EEA1: variants seen among roughly 807,000 people sequenced by gnomAD.
EEA1 encodes the protein early endosome antigen 1, also known as early endosome antigen 1, 162kD.
A neutral mutation model predicts 209.2 loss-of-function variants in EEA1; 111 were observed. The observed-to-expected ratio is 0.53, with a 90% CI of 0.45 to 0.62. The LOEUF (loss-of-function observed/expected upper bound fraction) is 0.62. EEA1 is among the 20% of genes least tolerant of loss of function. The pLI, the probability that EEA1 is intolerant of heterozygous loss-of-function variation, is 0.00. For missense variants in EEA1, 1,343 were observed against 1,530.8 expected, an observed-to-expected ratio of 0.88 and a Z score of 2.05; for synonymous variants, 536 against 540.6, an observed-to-expected ratio of 0.99 and a Z score of 0.12.
intron 2 of EEA1, chr12:92,879,205 T>C: frequency 1.6e-5 from 5 of 305,076 alleles, no homozygotes. Flanking sequence ...TTCTGGATTT[T>C]TTTTTTTTTT....
chr12:92,848,907 TAG>T lies in EEA1; in HGVS notation c.798+2202_798+2203del, dbSNP rs571698687. ...GCCAGCACGTCTGGCTAACTTTCTA[TAG>T]AGACAGGATTTCACCATGTTGCCCA... On this transcript the variant is annotated intron_variant, in intron 9 of 28. Transcript: ENST00000322349. 1.7e-4 allele frequency among the ~76,000 whole-genome samples: 26 copies of T among 152,068 alleles called. No homozygotes were observed. The East Asian group carries it at 4.9e-3, about 28-fold the overall frequency.
At chr12:92,858,280 T>C (rs1877976207) in intron 3 of EEA1, 2 of 737,778 alleles carry the variant, frequency 2.7e-6, no homozygotes, top group South Asian at 1.4e-5. Flanking sequence ...ATGATCCTTC[T>C]TGCACGTGAA....
rs74479594 is a variant in EEA1, at chr12:92,840,686, T to A, written c.915+1779A>T. Among the ~76,000 whole-genome samples, 1,139 of 152,382 alleles carry A rather than the reference T, an allele frequency of 7.5e-3. 14 individuals carry two copies. Among genetic ancestry groups the A allele is most frequent in the African/African-American group, 0.025 (1,047 of 41,586 alleles). On this transcript the variant is annotated intron_variant, in intron 10 of 28. Transcript: ENST00000322349. The stretch of plus-strand genomic sequence containing the variant: ...AATACAAAACAAAGTTGAAGGCTTA[T>A]CTTCCTGATTTTAAAACTTATTACA...
rs1873740394 is a variant in EEA1 at position 92,778,099 on chromosome 12, T to C, written c.3735A>G (p.Ala1245=). The stretch of plus-strand genomic sequence containing the variant: ...TCACAGTGCCTAAGTTTTCATTTAA[T>C]GCTGTAATCTGCATGGTAAGTTTAG... ...NEAKLTMQIT[A]LNENLGTVKK... Residue 1245 remains alanine (A), a synonymous_variant, in exon 26 of 29, where the codon GCA becomes GCG. Coordinates refer to ENST00000322349, the MANE Select transcript of EEA1 (RefSeq NM_003566.4). The C allele has an allele frequency of 1.9e-6, 3 of 1,613,490 alleles. No homozygotes were observed. Among genetic ancestry groups the C allele is most frequent in the Middle Eastern group, 1.7e-4 (1 of 6,058 alleles).
chr12:92,840,245 A>T (rs1877109036), intron 10 of EEA1, among the ~76,000 whole-genome samples: 1 of 152,194 alleles, frequency 6.6e-6, no homozygotes, highest in Admixed American at 6.5e-5. Context: ...CCCACCACCA[A>T]AAAAGTAAAG....
intron 14 of EEA1, among the ~76,000 whole-genome samples, chr12:92,817,664 G>A (rs184794357): frequency 1.3e-5 from 2 of 152,084 alleles, no homozygotes; most frequent in East Asian, 1.9e-4. Flanking sequence ...TTCTCTCCTC[G>A]TCATGGCTCA....
At chr12:92,808,972 T>G in intron 18 of EEA1, 45 bp downstream of exon 18, 1 of 1,532,196 alleles carries the variant, frequency 6.5e-7, no homozygotes. Context: ...AATACTTAGT[T>G]CACAATCTTT....
intron 2 of EEA1, among the ~76,000 whole-genome samples, chr12:92,871,114 T>C (rs570374651): frequency 4.3e-3 from 659 of 152,348 alleles, no homozygotes; most frequent in Non-Finnish European, 7.3e-3. Flanking sequence ...CTTACCAATG[T>C]TGGAATAATA....
intron 22 of EEA1, among the ~76,000 whole-genome samples, chr12:92,786,427 T>C (rs1255739181): frequency 6.6e-6 from 1 of 152,152 alleles, no homozygotes; most frequent in Non-Finnish European, 1.5e-5. Flanking sequence ...ATAACAACTA[T>C]TGCTAATTTT....
At chr12:92,873,622 G>A (rs7305127) in intron 2 of EEA1, among the ~76,000 whole-genome samples, 93,497 of 151,992 alleles carry the variant, frequency 0.62, 29,545 homozygotes, top group East Asian at 0.94. Flanking sequence ...GAGGAAGACT[G>A]AAAACAGATG....
chr12:92,902,251 C>A (rs1407824964), intron 1 of EEA1, among the ~76,000 whole-genome samples: 1 of 151,988 alleles, frequency 6.6e-6, no homozygotes, highest in Non-Finnish European at 1.5e-5. Context: ...AAACAAGGTA[C>A]ACAATGGACC....
At chr12:92,900,011 T>A (rs995173290) in intron 1 of EEA1, among the ~76,000 whole-genome samples, 1 of 152,170 alleles carries the variant, frequency 6.6e-6, no homozygotes, top group Non-Finnish European at 1.5e-5. Flanking sequence ...AACGTTCAAG[T>A]CTTTAGTGAC....
chr12:92,775,844 T>C lies in EEA1; in HGVS notation c.*167A>G. On this transcript the variant is annotated 3_prime_UTR_variant, in exon 29 of 29. Coordinates refer to ENST00000322349, the MANE Select transcript of EEA1 (RefSeq NM_003566.4). ...ATGATAAGCCCAAGTCTCACAAAAA[T>C]AGAAGAGTTTTACTTGATATCCATA... is the stretch of plus-strand genomic sequence containing the variant. 1 of 568,416 alleles carries C rather than the reference T, an allele frequency of 1.8e-6. No homozygotes were observed. The highest frequency in any genetic ancestry group is 3.4e-5 in the East Asian group (1 of 29,138). 35.2% of individuals were successfully genotyped at this position (568,416 alleles called of 1,614,324 possible).
chr12:92,820,145 A>G (rs1253350505), intron 13 of EEA1, among the ~76,000 whole-genome samples: 1 of 152,182 alleles, frequency 6.6e-6, no homozygotes. Flanking sequence ...TGTCTCAGTC[A>G]TTGATATATC....
intron 1 of EEA1, among the ~76,000 whole-genome samples, chr12:92,902,740 T>TTA (rs1555208426): frequency 8.0e-6 from 1 of 125,096 alleles, no homozygotes. Flanking sequence ...AATTCTGTCT[T>TTA]AAAAAAAAAA....
At chr12:92,832,370 T>C in intron 11 of EEA1, 142 bp downstream of exon 11, 1 of 757,108 alleles carries the variant, frequency 1.3e-6, no homozygotes, top group Non-Finnish European at 2.1e-6. Flanking sequence ...CTGACAACAC[T>C]ACAGGATATA....
intron 2 of EEA1, among the ~76,000 whole-genome samples, chr12:92,888,143 A>C (rs555203984): frequency 3.1e-4 from 47 of 152,322 alleles, no homozygotes; most frequent in African/African-American, 1.1e-3. Context: ...CAATGTGCTG[A>C]CAAAAAAAAA....
chr12:92,909,191 T>C (rs77185536), intron 1 of EEA1, among the ~76,000 whole-genome samples: 2 of 152,346 alleles, frequency 1.3e-5, no homozygotes, highest in African/African-American at 4.8e-5. Context: ...TACGTGCTTA[T>C]ACTATGGTCT....
In EEA1 at chr12:92,774,034, C is replaced by G. The variant is rs1380276303; in HGVS notation, c.*1977G>C. On this transcript the variant is annotated 3_prime_UTR_variant, in exon 29 of 29. Coordinates refer to ENST00000322349, the MANE Select transcript of EEA1 (RefSeq NM_003566.4). The stretch of plus-strand genomic sequence containing the variant: ...AACAAATATTCAAACCCAGATTTCT[C>G]ATGGAATTTATTATCTCAAAAAAAA... 2 of 114,560 alleles carry G rather than the reference C, an allele frequency of 1.7e-5. 1 individual carries two copies. Among genetic ancestry groups the G allele is most frequent in the South Asian group, 6.2e-4 (2 of 3,250 alleles). 7.1% of individuals were successfully genotyped at this position (114,560 alleles called of 1,614,324 possible). A position where few individuals can be genotyped will look rare whatever the true frequency, so the allele number is the denominator to read the frequency against.
Sources: allele counts gnomAD v4.1 joint callset (sites outside exome capture counted in the v4.1 genomes callset), GRCh38; gene constraint gnomAD v4.1.1; transcripts MANE v1.5; gene names NCBI Gene and HGNC (gene_info 2026-07-23, HGNC 2026-07-21).